HADH: variants seen among roughly 807,000 people sequenced by gnomAD.
HADH encodes the protein hydroxyacyl-coenzyme A dehydrogenase, mitochondrial.
In HADH, 24 loss-of-function variants were observed where a neutral mutation model predicts 32.2. The observed-to-expected ratio is 0.75, with a 90% CI of 0.54 to 1.05. The LOEUF is 1.05. Among genes scored for constraint, HADH ranks in the 50% least tolerant of loss-of-function variants. The pLI, the probability that HADH is intolerant of heterozygous loss-of-function variation, is 0.00. For missense variants in HADH, 350 were observed against 397.1 expected (o/e 0.88, Z 1.01); for synonymous variants, 139 against 152.5 (o/e 0.91, Z 0.65).
intron 1 of HADH, among the ~76,000 whole-genome samples, chr4:107,996,893 CAAAA>C (rs371481879): frequency 3.6e-5 from 4 of 109,706 alleles, no homozygotes; most frequent in Admixed American, 2.1e-4. Flanking sequence ...GACTCCTTCT[CAAAA>C]AAAAAAAAAA....
chr4:107,992,882 AG>A, intron 1 of HADH, among the ~76,000 whole-genome samples: 1 of 152,072 alleles, frequency 6.6e-6, no homozygotes, highest in Non-Finnish European at 1.5e-5. Context: ...TGGGAGGCTG[AG>A]GGGGGCAGAT....
intron 1 of HADH, among the ~76,000 whole-genome samples, chr4:107,990,424 G>A (rs970238065): frequency 6.6e-6 from 1 of 152,208 alleles, no homozygotes; most frequent in East Asian, 1.9e-4. Flanking sequence ...GTTTGTTCCT[G>A]CTCGGCTCAA....
At chr4:108,011,173 A>G (rs1735482128) in intron 2 of HADH, among the ~76,000 whole-genome samples, 2 of 152,176 alleles carry the variant, frequency 1.3e-5, no homozygotes, top group Admixed American at 6.5e-5. Context: ...ATGGCTTAAT[A>G]TTCCACTGGA....
At chr4:108,027,187 A>T (rs1175304464) in intron 5 of HADH, 1 of 209,560 alleles carries the variant, frequency 4.8e-6, no homozygotes, top group Non-Finnish European at 9.8e-6. Context: ...TTCAAGGTGG[A>T]GTGTGACGTT....
rs1454226897 is a variant in HADH, at chr4:108,027,828, T to G, written c.709+68T>G. On this transcript the variant is annotated intron_variant, in intron 6 of 7. Coordinates refer to ENST00000309522, the MANE Select transcript of HADH (RefSeq NM_005327.7). Reference sequence around the variant, plus strand: ...TGGCGCCACTGTCTGGAATTCTCAGTGTCTCTAGGAGGGGTCGGGCCGTGC... The same window carrying G: ...TGGCGCCACTGTCTGGAATTCTCAGGGTCTCTAGGAGGGGTCGGGCCGTGC... 3.2e-6 allele frequency: 3 copies of G among 937,690 alleles called. No homozygotes were observed. In the East Asian group the frequency reaches 7.2e-5, roughly 22 times the overall value. 58.1% of individuals were successfully genotyped at this position (937,690 alleles called of 1,614,324 possible).
chr4:108,021,121 A>G (rs1048587909), intron 4 of HADH, among the ~76,000 whole-genome samples: 1 of 152,228 alleles, frequency 6.6e-6, no homozygotes, highest in African/African-American at 2.4e-5. Flanking sequence ...AACAGAAGAA[A>G]CAGCATTTAA....
At chr4:107,995,187 A>G (rs1734920460) in intron 1 of HADH, among the ~76,000 whole-genome samples, 1 of 152,110 alleles carries the variant, frequency 6.6e-6, no homozygotes, top group Non-Finnish European at 1.5e-5. Flanking sequence ...GTGGTATTCT[A>G]ATCTCAAAAG....
Position 108,034,370 on chromosome 4 carries a change from C to G in HADH, c.*13C>G, listed in dbSNP as rs1333487503. On this transcript the variant is annotated 3_prime_UTR_variant, in exon 8 of 8. Transcript: ENST00000309522. ...CAAATACAAGTGATGTGCAGCTTCT[C>G]CGGCTCTGAGAAGAACACCTGAGAG... The G allele has an allele frequency of 6.0e-6, 9 of 1,489,520 alleles. No individual in the cohort carries two copies. In the African/African-American group the frequency reaches 8.3e-5, roughly 14 times the overall value. 92.3% of individuals were successfully genotyped at this position (1,489,520 alleles called of 1,614,324 possible). A position where few individuals can be genotyped will look rare whatever the true frequency, so the allele number is the denominator to read the frequency against.
intron 5 of HADH, chr4:108,024,943 C>T (rs184275882): frequency 2.6e-4 from 40 of 152,174 alleles, no homozygotes; most frequent in African/African-American, 9.2e-4. Flanking sequence ...GTGTGGTATT[C>T]TAAGGGCTTT....
At chr4:108,023,689 C>T (rs1735968917) in intron 5 of HADH, 126 bp downstream of exon 5, 6 of 738,850 alleles carry the variant, frequency 8.1e-6, no homozygotes, top group Non-Finnish European at 1.2e-5. Context: ...AGCTTGTCCA[C>T]ATGCTGTAAA....
chr4:108,027,464 T>G (rs1736105307), intron 5 of HADH: 1 of 603,588 alleles, frequency 1.7e-6, no homozygotes, highest in Non-Finnish European at 3.0e-6. Flanking sequence ...TCAGGATCTG[T>G]GCAGTGGGGC....
At chr4:108,019,771 T>A in intron 4 of HADH, 105 bp downstream of exon 4, 1 of 1,312,778 alleles carries the variant, frequency 7.6e-7, no homozygotes, top group African/African-American at 1.4e-5. Flanking sequence ...GGATGGGTTT[T>A]AACCTGAGGG....
rs146487739 is a variant in HADH at position 107,997,314 on chromosome 4, G to T, written c.132+7250G>T. ...CCCTCCTTGTAATGTCTAGGCACAT[G>T]GGACATCCAGTGGAACTGTTGAGGG... On this transcript the variant is annotated intron_variant, in intron 1 of 7. Transcript: ENST00000309522. Among the ~76,000 whole-genome samples, 104 of 152,312 alleles carry T rather than the reference G, an allele frequency of 6.8e-4. No individual in the cohort carries two copies. In the East Asian group the frequency reaches 0.02, roughly 29 times the overall value.
chr4:108,027,942 C>G, intron 6 of HADH, 182 bp downstream of exon 6: 1 of 641,360 alleles, frequency 1.6e-6, no homozygotes. Context: ...TTCCCAGGGC[C>G]TCCTGGCTTC....
At chr4:108,031,213 G>A (rs1736250431) in intron 6 of HADH, 1 of 152,324 alleles carries the variant, frequency 6.6e-6, no homozygotes, top group Admixed American at 6.5e-5. Context: ...GGTGGCAAGA[G>A]TCTTGTCCTA....
intron 1 of HADH, among the ~76,000 whole-genome samples, chr4:107,993,046 G>A (rs1734859280): frequency 6.6e-6 from 1 of 152,232 alleles, no homozygotes; most frequent in Non-Finnish European, 1.5e-5. Context: ...AACCTGAGAG[G>A]TGGAGGTTGC....
chr4:107,995,698 A>C (rs1734935450), intron 1 of HADH, among the ~76,000 whole-genome samples: 1 of 152,196 alleles, frequency 6.6e-6, no homozygotes, highest in African/African-American at 2.4e-5. Context: ...CAATGGTCAG[A>C]GGCAGAGCTG....
At chr4:107,994,917 T>A (rs1173235326) in intron 1 of HADH, among the ~76,000 whole-genome samples, 1 of 152,204 alleles carries the variant, frequency 6.6e-6, no homozygotes, top group East Asian at 1.9e-4. Context: ...AAAATAATGC[T>A]ATGGGATATG....
intron 6 of HADH, chr4:108,032,095 G>A (rs927566174): frequency 2.5e-6 from 1 of 400,814 alleles, no homozygotes; most frequent in Admixed American, 4.3e-5. Flanking sequence ...TGTTTAAGTA[G>A]TTTCTCTCTG....
Sources: gnomAD v4.1 joint callset for allele counts (sites outside exome capture counted in the v4.1 genomes callset) on GRCh38, gnomAD v4.1.1 for gene constraint, MANE v1.5 for transcripts, NCBI Gene and HGNC (gene_info 2026-07-23, HGNC 2026-07-21) for gene names.